Variants in PRKCE observed in about 807,000 individuals in gnomAD.
PRKCE encodes protein kinase C epsilon, also known as protein kinase C epsilon type.
In PRKCE, 16 loss-of-function variants were observed where a neutral mutation model predicts 85.4. The observed-to-expected ratio is 0.19, with a 90% CI of 0.13 to 0.28. The LOEUF is 0.28. Among genes scored for constraint, PRKCE ranks in the 10% least tolerant of loss-of-function variants. The probability of loss-of-function intolerance (pLI) is 1.00; values close to 1 mark genes in which losing one functional copy is unlikely to be tolerated. For synonymous variants in PRKCE, 388 were observed against 371.5 expected, an observed-to-expected ratio of 1.04 and a Z score of -0.51; for missense variants, 573 against 975.2, an observed-to-expected ratio of 0.59 and a Z score of 5.49.
chr2:45,737,960 G>A (rs1349172874), intron 1 of PRKCE, among the ~76,000 whole-genome samples: 1 of 151,986 alleles, frequency 6.6e-6, no homozygotes, highest in Non-Finnish European at 1.5e-5. Context: ...TCCCTGGCTT[G>A]AACCCTTTGT....
rs1225371681 is a variant in PRKCE at position 45,774,770 on chromosome 2, C to A, written c.349-68230C>A. Among the ~76,000 whole-genome samples the A allele has an allele frequency of 6.6e-6, 1 of 152,056 alleles. No individual in the cohort carries two copies. Among genetic ancestry groups the A allele is most frequent in the African/African-American group, 2.4e-5 (1 of 41,412 alleles). On this transcript the variant is annotated intron_variant, in intron 1 of 14. Transcript: ENST00000306156. This position sits in a 1 kb window ranked among gnomAD's most constrained non-coding sequence, Gnocchi z 4.3. ...GACTTTGACTCTTTCCTGGAGGGAC[C>A]CACCCAAGCTGCACATTCCCAGGGC...
chr2:45,825,094 C>T (rs961756515), intron 1 of PRKCE, among the ~76,000 whole-genome samples: 1 of 152,118 alleles, frequency 6.6e-6, no homozygotes, highest in African/African-American at 2.4e-5. Context: ...CTTTTTTCCT[C>T]CGGGGATGAA....
intron 1 of PRKCE, among the ~76,000 whole-genome samples, chr2:45,725,500 G>T (rs1414947164): frequency 1.1e-4 from 16 of 152,112 alleles, no homozygotes; most frequent in Admixed American, 1.0e-3. Flanking sequence ...TTCTCTGATG[G>T]ATTGGGGCAA....
At chr2:45,978,705 G>T in intron 3 of PRKCE, 288 of 348,164 alleles carry the variant, frequency 8.3e-4, no homozygotes, top group Middle Eastern at 1.7e-3. Context: ...CCAGAACATT[G>T]CTGACCACAC....
intron 14 of PRKCE, among the ~76,000 whole-genome samples, chr2:46,168,880 G>A (rs1037530330): frequency 8.5e-5 from 13 of 152,156 alleles, no homozygotes; most frequent in Non-Finnish European, 1.6e-4. Flanking sequence ...CTATCCAAGT[G>A]GGTCTGCACT....
At chr2:45,942,637 C>T (rs942137722) in intron 2 of PRKCE, among the ~76,000 whole-genome samples, 5 of 152,144 alleles carry the variant, frequency 3.3e-5, no homozygotes, top group Non-Finnish European at 5.9e-5. Flanking sequence ...GATTAGAACA[C>T]GAATGGAATA....
intron 2 of PRKCE, among the ~76,000 whole-genome samples, chr2:45,967,195 A>G (rs7607360): frequency 0.45 from 68,534 of 152,034 alleles, 18,345 homozygotes; most frequent in African/African-American, 0.76. Context: ...GTGGAGCGGT[A>G]TGTACTACAG....
At chr2:46,130,808 T>C (rs1674366159) in intron 11 of PRKCE, among the ~76,000 whole-genome samples, 1 of 152,242 alleles carries the variant, frequency 6.6e-6, no homozygotes, top group Non-Finnish European at 1.5e-5. Flanking sequence ...AAGTGCTGCT[T>C]GTTTTGGACC....
chr2:46,125,319 T>C (rs1307243582), intron 11 of PRKCE, among the ~76,000 whole-genome samples: 3 of 152,228 alleles, frequency 2.0e-5, no homozygotes, highest in Admixed American at 2.0e-4. Context: ...GTTTGGTTGC[T>C]GATGTACTGT....
intron 1 of PRKCE, among the ~76,000 whole-genome samples, chr2:45,755,154 C>A (rs915919212): frequency 2.0e-5 from 3 of 152,180 alleles, no homozygotes; most frequent in Admixed American, 6.5e-5. Context: ...CTGATAGTCA[C>A]CCTTGCACCT....
chr2:45,682,294 T>C (rs1329373450), intron 1 of PRKCE, among the ~76,000 whole-genome samples: 1 of 152,244 alleles, frequency 6.6e-6, no homozygotes, highest in Non-Finnish European at 1.5e-5. Flanking sequence ...TTTTTCAAAA[T>C]GATGTTTGAT....
chr2:46,081,941 C>T (rs1314995772), intron 10 of PRKCE, among the ~76,000 whole-genome samples: 1 of 151,992 alleles, frequency 6.6e-6, no homozygotes, highest in Non-Finnish European at 1.5e-5. Context: ...ACTAAAAATA[C>T]AAAAAATAGC....
Position 45,765,084 on chromosome 2 carries a change from G to A in PRKCE, c.349-77916G>A, listed in dbSNP as rs564299814. 5.3e-5 allele frequency among the ~76,000 whole-genome samples: 8 copies of A among 152,210 alleles called. No homozygotes were observed. The East Asian group carries it at 9.6e-4, about 18-fold the overall frequency. On this transcript the variant is annotated intron_variant, in intron 1 of 14. Coordinates refer to ENST00000306156, the MANE Select transcript of PRKCE (RefSeq NM_005400.3). Reference sequence around the variant, plus strand: ...CGCTCAAAAACCCACCCACTCACACGGGCCTTGTTTTCAGCAAATCTTCAA... The same window carrying A: ...CGCTCAAAAACCCACCCACTCACACAGGCCTTGTTTTCAGCAAATCTTCAA...
rs370784008 is a variant in PRKCE at position 46,047,689 on chromosome 2, G to A, written c.1437+37172G>A. ...TTTGTTGAAAGCTTCAAATCAAAGT[G>A]GTTCCCATTTCCCCTCCCCTTATTT... On this transcript the variant is annotated intron_variant, in intron 10 of 14. Coordinates refer to ENST00000306156, the MANE Select transcript of PRKCE (RefSeq NM_005400.3). Among the ~76,000 whole-genome samples, 20 of 152,248 alleles carry A rather than the reference G, an allele frequency of 1.3e-4. No individual in the cohort carries two copies. In the South Asian group the frequency reaches 4.1e-3, roughly 32 times the overall value.
intron 2 of PRKCE, among the ~76,000 whole-genome samples, chr2:45,848,144 C>T (rs1010787223): frequency 6.6e-6 from 1 of 152,192 alleles, no homozygotes; most frequent in Non-Finnish European, 1.5e-5. Flanking sequence ...AGCCAGTGGG[C>T]AGGATACATA....
intron 1 of PRKCE, among the ~76,000 whole-genome samples, chr2:45,669,351 C>T (rs1042951465): frequency 5.3e-5 from 8 of 152,312 alleles, no homozygotes; most frequent in African/African-American, 9.6e-5. Context: ...GCCTCCTTTT[C>T]GCCTGGAGAA....
Position 45,976,470 on chromosome 2 carries a change from C to A in PRKCE, c.454C>A (p.Arg152=), listed in dbSNP as rs751913256. The A allele has an allele frequency of 1.8e-5, 28 of 1,599,622 alleles. No homozygotes were observed. Among genetic ancestry groups the A allele is most frequent in the Non-Finnish European group, 2.2e-5 (26 of 1,179,944 alleles). ...AGAGCGTGTGTTCAGGGAACGCATGCGGCCGAGGAAGCGGCAGGGGGCCGT... is the reference window on the plus strand; with the variant it reads ...AGAGCGTGTGTTCAGGGAACGCATGAGGCCGAGGAAGCGGCAGGGGGCCGT... ...NEERVFRERM[R]PRKRQGAVRR... Residue 152 remains arginine, a synonymous_variant, in exon 3 of 15, where the codon CGG becomes AGG. Coordinates refer to ENST00000306156, the MANE Select transcript of PRKCE (RefSeq NM_005400.3).
intron 1 of PRKCE, among the ~76,000 whole-genome samples, chr2:45,760,384 A>C (rs1684364241): frequency 6.6e-6 from 1 of 152,194 alleles, no homozygotes; most frequent in African/African-American, 2.4e-5. Context: ...GCACAGCTTT[A>C]TTGATCAGAA....
At chr2:45,911,216 G>A (rs139765646) in intron 2 of PRKCE, among the ~76,000 whole-genome samples, 170 of 152,304 alleles carry the variant, frequency 1.1e-3, no homozygotes, top group African/African-American at 3.0e-3. Flanking sequence ...ATCAACATTA[G>A]GAAGAGCTGG....
Sources: gnomAD v4.1 joint callset for allele counts (sites outside exome capture counted in the v4.1 genomes callset) on GRCh38, gnomAD v4.1.1 for gene constraint, Gnocchi (gnomAD v3.1) non-coding constraint, MANE v1.5 for transcripts, NCBI Gene and HGNC (gene_info 2026-07-23, HGNC 2026-07-21) for gene names.